The following ROBO1 variants were observed in gnomAD, a reference collection of about 807,000 sequenced individuals.
ROBO1 encodes roundabout homolog 1.
ROBO1 carries 149 observed loss-of-function variants against 195.9 expected under a neutral mutation model. The observed-to-expected ratio is 0.76, with a 90% CI of 0.67 to 0.87. ROBO1 has a LOEUF of 0.87. Among genes scored for constraint, ROBO1 ranks in the 40% least tolerant of loss-of-function variants. ROBO1 has a pLI of 0.00. For synonymous variants in ROBO1, 816 were observed against 733.2 expected (o/e 1.11, Z -1.82); for missense variants, 1,933 against 2,068.3 (o/e 0.93, Z 1.27).
intron 1 of ROBO1, among the ~76,000 whole-genome samples, chr3:79,598,252 C>T (rs1167423953): frequency 1.3e-5 from 2 of 152,018 alleles, no homozygotes; most frequent in South Asian, 2.1e-4. Context: ...CTATTAGTCT[C>T]ATGTAGACAG....
chr3:79,267,794 C>T (rs1451365572), intron 2 of ROBO1, among the ~76,000 whole-genome samples: 1 of 151,480 alleles, frequency 6.6e-6, no homozygotes, highest in Non-Finnish European at 1.5e-5. Flanking sequence ...CCTCCTGTAA[C>T]TTCATCATCT....
At chr3:79,653,469 AT>A (rs1200479846) in intron 1 of ROBO1, among the ~76,000 whole-genome samples, 3 of 151,786 alleles carry the variant, frequency 2.0e-5, no homozygotes, top group Non-Finnish European at 2.9e-5. Flanking sequence ...ATGTCAGGGG[AT>A]TTTTTTTCAC....
At chr3:78,876,483 A>G (rs1473112884) in intron 4 of ROBO1, among the ~76,000 whole-genome samples, 2 of 152,218 alleles carry the variant, frequency 1.3e-5, no homozygotes, top group East Asian at 1.9e-4. Flanking sequence ...GTAAAAAATT[A>G]GCATTTGGCT....
chr3:78,667,958 G>A lies in ROBO1; in HGVS notation c.1891C>T (p.Leu631Phe), dbSNP rs748346914. 3.1e-6 allele frequency: 5 copies of A among 1,613,770 alleles called. No homozygotes were observed. The Admixed American group carries it at 6.7e-5, about 22-fold the overall frequency. ...IKGLKPNAIY[L>F]FLVRAANAYG... ...GCATTAGCTGCCCTCACAAGGAAAA[G>A]GTAAATTGCATTAGGTTTGAGTCCT... Residue 631 changes from leucine (L) to phenylalanine (F), a missense_variant, in exon 14 of 31, where the codon CTT (leucine) becomes TTT (phenylalanine). By Grantham distance (22) the Leu-to-Phe change is conservative. This residue lies in a region of ROBO1 where 1,737 missense variants were observed against 1,882.5 expected (regional missense o/e 0.92). Coordinates refer to ENST00000464233, the MANE Select transcript of ROBO1 (RefSeq NM_002941.4).
rs570272713 is a variant in ROBO1 at position 79,098,927 on chromosome 3, T to C, written c.172+26529A>G. ...TCCATAAACGTTTCCTAACAATCAC[T>C]ATGAAATTTCCCATTGATAATGGGT... On this transcript the variant is annotated intron_variant, in intron 3 of 30. Transcript: ENST00000464233. Among the ~76,000 whole-genome samples, 5 of 151,872 alleles carry C rather than the reference T, an allele frequency of 3.3e-5. No homozygotes were observed. The East Asian group carries it at 5.9e-4, about 18-fold the overall frequency.
intron 4 of ROBO1, among the ~76,000 whole-genome samples, chr3:78,910,399 C>T (rs2038173909): frequency 6.6e-6 from 1 of 151,818 alleles, no homozygotes; most frequent in African/African-American, 2.4e-5. Context: ...TAGGCTCACC[C>T]GAGGACTGGC....
intron 1 of ROBO1, among the ~76,000 whole-genome samples, chr3:79,733,267 C>T (rs894515148): frequency 2.0e-5 from 3 of 152,160 alleles, no homozygotes; most frequent in African/African-American, 7.2e-5. Flanking sequence ...CTATATTTCC[C>T]ATTAACCATA....
intron 1 of ROBO1, among the ~76,000 whole-genome samples, chr3:79,726,768 G>A (rs567159593): frequency 1.4e-4 from 21 of 152,090 alleles, no homozygotes; most frequent in African/African-American, 4.8e-4. Context: ...TTTTTCAATC[G>A]ACATCTAGTC....
chr3:78,967,158 G>A (rs564589047), intron 3 of ROBO1, among the ~76,000 whole-genome samples: 1 of 151,846 alleles, frequency 6.6e-6, no homozygotes, highest in Admixed American at 6.6e-5. Context: ...ACTGTTGATG[G>A]CTGCCTGAAA....
In ROBO1 at chr3:78,952,655, G is replaced by C. The variant is rs908440254; in HGVS notation, c.173-13728C>G. Reference sequence around the variant, plus strand: ...GTTACACACATTTCCAAATACTCATGCTTACTGTTGAAATAAGAAGCATAA... The same window carrying C: ...GTTACACACATTTCCAAATACTCATCCTTACTGTTGAAATAAGAAGCATAA... On this transcript the variant is annotated intron_variant, in intron 3 of 30. Transcript: ENST00000464233. Among the ~76,000 whole-genome samples the C allele has an allele frequency of 5.9e-5, 9 of 151,966 alleles. No homozygotes were observed. The East Asian group carries it at 1.4e-3, about 23-fold the overall frequency.
At chr3:79,578,361 T>G (rs1451740958) in intron 2 of ROBO1, among the ~76,000 whole-genome samples, 5 of 152,176 alleles carry the variant, frequency 3.3e-5, no homozygotes, top group African/African-American at 1.2e-4. Context: ...TTAGCAAAAT[T>G]GATTCAGTGA....
Position 78,667,967 on chromosome 3 carries a change from C to T in ROBO1, c.1882G>A (p.Ala628Thr), listed in dbSNP as rs772120417. 10 of 1,613,780 alleles carry T rather than the reference C, an allele frequency of 6.2e-6. No homozygotes were observed. The highest frequency in any genetic ancestry group is 8.5e-6 in the Non-Finnish European group (10 of 1,179,788). The change falls in exon 14 of 31, where the codon GCA (alanine) becomes ACA (threonine). Residue 628 changes from alanine to threonine, a missense_variant. Around this residue, in one of 3 missense-constraint regions of ROBO1, gnomAD observed 1,737 missense variants for 1,882.5 expected, o/e 0.92. Transcript: ENST00000464233. ...TSAIKGLKPN[A>T]IYLFLVRAAN... The stretch of plus-strand genomic sequence containing the variant: ...GCCCTCACAAGGAAAAGGTAAATTG[C>T]ATTAGGTTTGAGTCCTTTAATGGCA...
At chr3:79,748,274 G>A (rs983783074) in intron 1 of ROBO1, among the ~76,000 whole-genome samples, 4 of 152,154 alleles carry the variant, frequency 2.6e-5, no homozygotes, top group African/African-American at 9.7e-5. Flanking sequence ...TTCAGATTCA[G>A]AGGTTATAAA....
chr3:78,922,511 G>A (rs2038990897), intron 4 of ROBO1, among the ~76,000 whole-genome samples: 1 of 151,292 alleles, frequency 6.6e-6, no homozygotes, highest in African/African-American at 2.4e-5. Flanking sequence ...TCCTCTCCCT[G>A]TCTTTCTCCT....
Position 79,719,178 on chromosome 3 carries a change from G to GA in ROBO1, c.-51+48573dup, listed in dbSNP as rs907292695. Among the ~76,000 whole-genome samples the GA allele has an allele frequency of 2.7e-3, 407 of 148,660 alleles. 1 individual carries two copies. The highest frequency in any genetic ancestry group is 9.4e-3 in the African/African-American group (380 of 40,394). On this transcript the variant is annotated intron_variant, in intron 1 of 30. Transcript: ENST00000464233. The stretch of plus-strand genomic sequence containing the variant: ...AGTCGAAAATGAACTAGTTGGCAAA[G>GA]AAAAAAAAAAGATAGAATAAAAGTA...
intron 4 of ROBO1, among the ~76,000 whole-genome samples, chr3:78,801,903 A>G (rs1023991451): frequency 6.6e-6 from 1 of 152,068 alleles, no homozygotes; most frequent in Non-Finnish European, 1.5e-5. Flanking sequence ...ATTTGTGACA[A>G]TTTTGTAGGG....
At chr3:79,110,469 T>C (rs1039289375) in intron 3 of ROBO1, among the ~76,000 whole-genome samples, 19 of 151,886 alleles carry the variant, frequency 1.3e-4, no homozygotes, top group African/African-American at 4.6e-4. Flanking sequence ...AAACACCCAA[T>C]TGACCGAGTA....
intron 3 of ROBO1, among the ~76,000 whole-genome samples, chr3:79,057,931 C>T (rs1004355833): frequency 4.6e-5 from 7 of 151,902 alleles, no homozygotes; most frequent in Admixed American, 1.3e-4. Context: ...TTACAGATAC[C>T]CCCCTCTGTG....
At chr3:78,612,696 C>T (rs1292411896) in intron 28 of ROBO1, among the ~76,000 whole-genome samples, 1 of 152,152 alleles carries the variant, frequency 6.6e-6, no homozygotes, top group African/African-American at 2.4e-5. Flanking sequence ...GTAAACATAA[C>T]TTGAAGGATA....
Sources: gnomAD v4.1 joint callset for allele counts (sites outside exome capture counted in the v4.1 genomes callset) on GRCh38, gnomAD v4.1.1 for gene constraint, gnomAD v4.1.1 regional missense constraint, MANE v1.5 for transcripts, NCBI Gene and HGNC (gene_info 2026-07-23, HGNC 2026-07-21) for gene names.